LAMB1: variants seen among roughly 807,000 people sequenced by gnomAD.
LAMB1 encodes laminin subunit beta-1.
In LAMB1, 121 loss-of-function variants were observed where a neutral mutation model predicts 222.3. The ratio of observed to expected loss-of-function variants is 0.54; its 90% CI spans 0.47 to 0.63. The LOEUF (loss-of-function observed/expected upper bound fraction) is 0.63. Ranked by LOEUF, LAMB1 falls within the 30% of genes least tolerant of loss-of-function variation. LAMB1 has a pLI of 0.00. For synonymous variants in LAMB1, 794 were observed against 807.2 expected, an observed-to-expected ratio of 0.98 and a Z score of 0.28; for missense variants, 2,172 against 2,240.8, an observed-to-expected ratio of 0.97 and a Z score of 0.62.
intron 25 of LAMB1, among the ~76,000 whole-genome samples, chr7:107,938,947 A>T (rs1441036355): frequency 6.6e-6 from 1 of 152,116 alleles, no homozygotes; most frequent in African/African-American, 2.4e-5. Context: ...TCTGCTACTC[A>T]TGCCTGGTAT....
Position 108,001,956 on chromosome 7 carries a change from C to G in LAMB1, c.38-223G>C, listed in dbSNP as rs953680305. Reference sequence around the variant, plus strand: ...ACGGAAAGAAACCCACACACGTCATCAGGTCTGTCCAGCAGCGAGAGCCTC... The same window carrying G: ...ACGGAAAGAAACCCACACACGTCATGAGGTCTGTCCAGCAGCGAGAGCCTC... On this transcript the variant is annotated intron_variant, in intron 2 of 33. Transcript: ENST00000222399. 2.8e-6 allele frequency: 4 copies of G among 1,451,148 alleles called. No homozygotes were observed. In the African/African-American group the frequency reaches 5.7e-5, roughly 21 times the overall value. 89.9% of individuals were successfully genotyped at this position (1,451,148 alleles called of 1,614,324 possible). A position where few individuals can be genotyped will look rare whatever the true frequency, so the allele number is the denominator to read the frequency against.
At chr7:107,980,540 A>G in intron 8 of LAMB1, 69 bp downstream of exon 8, 1 of 1,291,584 alleles carries the variant, frequency 7.7e-7, no homozygotes, top group Non-Finnish European at 1.1e-6. Context: ...GCTTAAGGTA[A>G]GACTAGCTTC....
At chr7:107,965,479 T>C (rs888268038) in intron 13 of LAMB1, among the ~76,000 whole-genome samples, 1 of 152,240 alleles carries the variant, frequency 6.6e-6, no homozygotes, top group East Asian at 1.9e-4. Flanking sequence ...CTTGGGAGGC[T>C]GAGGCACGAG....
At position 107,950,776 on chromosome 7, in the gene LAMB1, T is replaced by A. The variant is rs142251088; in HGVS notation, c.3391+450A>T. 4.5e-3 allele frequency among the ~76,000 whole-genome samples: 682 copies of A among 152,306 alleles called. 6 individuals are homozygous for A. Among genetic ancestry groups the A allele is most frequent in the African/African-American group, 0.016 (645 of 41,566 alleles). On this transcript the variant is annotated intron_variant, in intron 24 of 33. Transcript: ENST00000222399. ...ACTGAATCCAGTGATCTTACTAGGA[T>A]AACCATTTACCTCTTCTTGTGCCAT... is the stretch of plus-strand genomic sequence containing the variant.
chr7:107,939,448 A>C (rs1279748338), intron 25 of LAMB1, among the ~76,000 whole-genome samples: 1 of 152,192 alleles, frequency 6.6e-6, no homozygotes. Flanking sequence ...AAAAAACTTG[A>C]AGTAAGCAGT....
At chr7:107,965,382 C>G (rs1303027355) in intron 13 of LAMB1, among the ~76,000 whole-genome samples, 1 of 152,136 alleles carries the variant, frequency 6.6e-6, no homozygotes, top group South Asian at 2.1e-4. Context: ...GAGTTCGAGA[C>G]CAGCCTCACC....
At chr7:107,994,993 A>C in intron 4 of LAMB1, 33 bp from the exon 5 acceptor site, 3 of 1,160,490 alleles carry the variant, frequency 2.6e-6, no homozygotes, top group Non-Finnish European at 3.8e-6. Context: ...AAAACAATAA[A>C]TGAAACTGTA....
At chr7:107,940,613 A>C (rs2116355293) in intron 24 of LAMB1, 1 of 487,210 alleles carries the variant, frequency 2.1e-6, no homozygotes, top group Non-Finnish European at 3.7e-6. Flanking sequence ...TTTAACTCTC[A>C]CAATAACCCT....
chr7:107,951,382 T>C lies in LAMB1; in HGVS notation c.3295-60A>G, dbSNP rs545100282. ...TTCAGGCCAGAAGCCAGTTGTCATC[T>C]TTTTTTTCTAGCTGCCACTTAGAAG... On this transcript the variant is annotated intron_variant, in intron 23 of 33. Coordinates refer to ENST00000222399, the MANE Select transcript of LAMB1 (RefSeq NM_002291.3). 17 of 1,450,704 alleles carry C rather than the reference T, an allele frequency of 1.2e-5. No individual in the cohort carries two copies. The South Asian group carries it at 1.5e-4, about 13-fold the overall frequency. 89.9% of individuals were successfully genotyped at this position (1,450,704 alleles called of 1,614,324 possible). A position where few individuals can be genotyped will look rare whatever the true frequency, so the allele number is the denominator to read the frequency against.
chr7:107,951,679 C>T (rs1052272329), intron 23 of LAMB1, among the ~76,000 whole-genome samples: 2 of 152,182 alleles, frequency 1.3e-5, no homozygotes, highest in Admixed American at 1.3e-4. Context: ...TTTTACAATG[C>T]TGGGTATGGC....
At chr7:108,001,075 A>G (rs1411537835) in intron 3 of LAMB1, among the ~76,000 whole-genome samples, 2 of 152,114 alleles carry the variant, frequency 1.3e-5, no homozygotes, top group African/African-American at 4.8e-5. Flanking sequence ...CCTGATATCT[A>G]GTTGGGAACA....
intron 8 of LAMB1, among the ~76,000 whole-genome samples, chr7:107,979,403 G>A (rs1289501319): frequency 4.6e-5 from 7 of 152,178 alleles, no homozygotes; most frequent in Admixed American, 4.6e-4. Context: ...GCCTTCATGA[G>A]GGGAGGCCAC....
intron 7 of LAMB1, among the ~76,000 whole-genome samples, chr7:107,985,498 G>A (rs1254274374): frequency 2.0e-5 from 3 of 151,650 alleles, no homozygotes; most frequent in South Asian, 2.1e-4. Flanking sequence ...GCATGGTGGC[G>A]GGCACCTGTA....
intron 13 of LAMB1, among the ~76,000 whole-genome samples, chr7:107,972,254 G>A (rs2033764378): frequency 6.6e-6 from 1 of 152,206 alleles, no homozygotes. Context: ...AAATAATTGG[G>A]AAAGAAAGTC....
At position 108,001,886 on chromosome 7, in the gene LAMB1, G is replaced by A. The variant is rs1027097864; in HGVS notation, c.38-153C>T. The A allele has an allele frequency of 3.4e-6, 5 of 1,472,828 alleles. No homozygotes were observed. The African/African-American group carries it at 4.2e-5, about 12-fold the overall frequency. The allele number at this position is 1,472,828 out of a possible 1,614,324, so 91.2% of individuals were successfully genotyped here. On this transcript the variant is annotated intron_variant, in intron 2 of 33. Transcript: ENST00000222399. The stretch of plus-strand genomic sequence containing the variant: ...CACAGAAAAGACAATGGAGAGATGA[G>A]CGCAGGAGAGGCTGGGAAGGCAGGG...
chr7:107,962,302 C>T (rs1366434908), intron 15 of LAMB1, among the ~76,000 whole-genome samples: 1 of 152,234 alleles, frequency 6.6e-6, no homozygotes, highest in African/African-American at 2.4e-5. Context: ...TCTGTCACTG[C>T]ACAGCCAGGT....
At chr7:107,933,542 A>G (rs915462169) in intron 27 of LAMB1, among the ~76,000 whole-genome samples, 1 of 152,150 alleles carries the variant, frequency 6.6e-6, no homozygotes, top group Non-Finnish European at 1.5e-5. Flanking sequence ...GTTGCTTTCT[A>G]AAAACAATCT....
At chr7:107,949,924 G>A (rs564712962) in intron 24 of LAMB1, among the ~76,000 whole-genome samples, 4 of 152,082 alleles carry the variant, frequency 2.6e-5, no homozygotes, top group Non-Finnish European at 5.9e-5. Flanking sequence ...AAAAGAAAAC[G>A]GTCATTTTAA....
intron 3 of LAMB1, among the ~76,000 whole-genome samples, chr7:108,000,568 G>T (rs867350793): frequency 2.6e-5 from 4 of 152,220 alleles, no homozygotes; most frequent in African/African-American, 9.7e-5. Context: ...TTTTGAGACA[G>T]GGTCTCCCTT....
Sources: allele counts gnomAD v4.1 joint callset (sites outside exome capture counted in the v4.1 genomes callset), GRCh38; gene constraint gnomAD v4.1.1; transcripts MANE v1.5; gene names NCBI Gene and HGNC (gene_info 2026-07-23, HGNC 2026-07-21).